CFAP46: variants seen among roughly 807,000 people sequenced by gnomAD.
CFAP46 encodes the protein cilia- and flagella-associated protein 46.
In CFAP46, 245 loss-of-function variants were observed where a neutral mutation model predicts 325.7. The observed-to-expected ratio is 0.75, with a 90% CI of 0.68 to 0.84. The LOEUF is 0.84. Ranked by LOEUF, CFAP46 falls within the 40% of genes least tolerant of loss-of-function variation. The pLI is 0.00. For missense variants in CFAP46, 3,346 were observed against 3,543.0 expected (o/e 0.94, Z 1.41); for synonymous variants, 1,523 against 1,495.9 (o/e 1.02, Z -0.42).
rs1416979853 is a variant in CFAP46, at chr10:132,918,520, C to T, written c.1859G>A (p.Gly620Glu). The change falls in exon 16 of 58, where the codon GGG (glycine) becomes GAG (glutamate). Residue 620 changes from glycine to glutamate, a missense_variant and splice_region_variant. Coordinates refer to ENST00000368586, the MANE Select transcript of CFAP46 (RefSeq NM_001200049.3). ...GCCGTCCCTACCTCGCTTCTTCTTC[C>T]CTGAGAGAAATGGCAGCAGGTAAGG... is the stretch of plus-strand genomic sequence containing the variant. ...VKVKKLRLRR[G>E]KKKRGRDGSV... 5 of 1,512,078 alleles carry T rather than the reference C, an allele frequency of 3.3e-6. No individual in the cohort carries two copies. Among genetic ancestry groups the T allele is most frequent in the Non-Finnish European group, 4.5e-6 (5 of 1,122,290 alleles). The allele number at this position is 1,512,078 out of a possible 1,614,324, so 93.7% of individuals were successfully genotyped here.
At chr10:132,933,635 C>T (rs944416565) in intron 8 of CFAP46, among the ~76,000 whole-genome samples, 3 of 152,266 alleles carry the variant, frequency 2.0e-5, no homozygotes, top group African/African-American at 7.2e-5. Flanking sequence ...GGCCCAGCAG[C>T]CACCCTGCGG....
intron 44 of CFAP46, among the ~76,000 whole-genome samples, chr10:132,841,537 T>C (rs1203855521): frequency 6.6e-6 from 1 of 152,194 alleles, no homozygotes; most frequent in South Asian, 2.1e-4. Context: ...GGGGTCCTGT[T>C]CCCGTGGCTT....
intron 17 of CFAP46, 123 bp from the exon 18 acceptor site, chr10:132,913,381 G>GC: frequency 7.4e-5 from 26 of 350,496 alleles, no homozygotes; most frequent in Middle Eastern, 5.5e-4. Flanking sequence ...GGGCGGGTGG[G>GC]CGGCGACCAA....
intron 50 of CFAP46, among the ~76,000 whole-genome samples, chr10:132,824,675 GTGC>G (rs1428826045): frequency 2.8e-5 from 3 of 105,458 alleles, no homozygotes; most frequent in African/African-American, 4.0e-5. Flanking sequence ...CGTGTGCTGT[GTGC>G]TGATGTGTGC....
intron 19 of CFAP46, among the ~76,000 whole-genome samples, chr10:132,910,996 G>C (rs538144269): frequency 1.3e-5 from 2 of 152,308 alleles, no homozygotes; most frequent in Admixed American, 6.5e-5. Context: ...CCAAGTCGGT[G>C]CTGGCATTTC....
intron 25 of CFAP46, among the ~76,000 whole-genome samples, chr10:132,887,576 TCCC>T (rs1230984506): frequency 4.9e-4 from 20 of 40,954 alleles, no homozygotes; most frequent in Middle Eastern, 0.019. Flanking sequence ...TCCTCTCCTC[TCCC>T]CTCTTCTCTC....
intron 10 of CFAP46, among the ~76,000 whole-genome samples, chr10:132,926,134 G>C (rs1330546414): frequency 4.6e-5 from 7 of 152,258 alleles, no homozygotes; most frequent in African/African-American, 1.7e-4. Context: ...CCTGTAATTG[G>C]CACCTGACGC....
chr10:132,926,343 C>T (rs901358096), intron 10 of CFAP46, among the ~76,000 whole-genome samples: 2 of 151,948 alleles, frequency 1.3e-5, no homozygotes, highest in African/African-American at 4.9e-5. Flanking sequence ...CCCACCTGCA[C>T]GACCCCACCC....
In CFAP46 at chr10:132,889,781, T is replaced by C. The variant is rs1464279153; in HGVS notation, c.3304+2552A>G. On this transcript the variant is annotated intron_variant, in intron 25 of 57. Transcript: ENST00000368586. This position sits in a 1 kb window ranked among gnomAD's most constrained non-coding sequence, Gnocchi z 6.0. ...CTCCGGGTGGGTGAGGGCCGTGGAC[T>C]GTGCATGAGGAGGAATGTGCCTGTG... Among the ~76,000 whole-genome samples the C allele has an allele frequency of 2.0e-5, 3 of 152,190 alleles. No homozygotes were observed. Among genetic ancestry groups the C allele is most frequent in the Non-Finnish European group, 4.4e-5 (3 of 68,022 alleles).
chr10:132,830,034 T>A (rs1848123638), intron 50 of CFAP46, among the ~76,000 whole-genome samples: 1 of 151,192 alleles, frequency 6.6e-6, no homozygotes, highest in Non-Finnish European at 1.5e-5. Flanking sequence ...ATCCGGATAA[T>A]GCCAGCCTCA....
intron 44 of CFAP46, among the ~76,000 whole-genome samples, chr10:132,843,323 C>T: frequency 6.6e-6 from 1 of 151,980 alleles, no homozygotes; most frequent in South Asian, 2.1e-4. Context: ...TGCTGTGGGG[C>T]TGCTCCTGGT....
At chr10:132,861,434 G>A (rs537202458) in intron 35 of CFAP46, among the ~76,000 whole-genome samples, 3 of 152,344 alleles carry the variant, frequency 2.0e-5, no homozygotes, top group South Asian at 4.1e-4. Context: ...CTTCGTCCCC[G>A]GAGCCTCCTG....
At chr10:132,929,548 T>C (rs1401221128) in intron 9 of CFAP46, 157 bp downstream of exon 9, 4 of 805,684 alleles carry the variant, frequency 5.0e-6, no homozygotes, top group Admixed American at 1.7e-5. Context: ...ACTGCAACTG[T>C]GCAAAACACA....
Position 132,886,615 on chromosome 10 carries a change from T to C in CFAP46, c.3305-656A>G, listed in dbSNP as rs1171223187. On this transcript the variant is annotated intron_variant, in intron 25 of 57. Coordinates refer to ENST00000368586, the MANE Select transcript of CFAP46 (RefSeq NM_001200049.3). The surrounding 1 kb of genome is among the most constrained non-coding windows in gnomAD (Gnocchi z 5.8). ...CCTCAGTGTCTGGGCGAGCTGCAGA[T>C]GAACTTGAAGGGCCCTGAAGAGACG... 6.6e-6 allele frequency among the ~76,000 whole-genome samples: 1 copy of C among 152,106 alleles called. No homozygotes were observed. Among genetic ancestry groups the C allele is most frequent in the Non-Finnish European group, 1.5e-5 (1 of 67,996 alleles).
In CFAP46 at chr10:132,898,861, G is replaced by A. The variant is rs1456414027; in HGVS notation, c.3219+98C>T. On this transcript the variant is annotated intron_variant, in intron 24 of 57. Coordinates refer to ENST00000368586, the MANE Select transcript of CFAP46 (RefSeq NM_001200049.3). ...TGCTGGTGCACCCTCTGGGAGGCCT[G>A]TGGGGTCTGTCTTTCTTTGGGAGTC... 5 of 1,453,052 alleles carry A rather than the reference G, an allele frequency of 3.4e-6. No individual in the cohort carries two copies. The African/African-American group carries it at 7.0e-5, about 20-fold the overall frequency. The allele number at this position is 1,453,052 out of a possible 1,614,324, so 90.0% of individuals were successfully genotyped here.
chr10:132,932,871 G>A (rs369203743), intron 8 of CFAP46, among the ~76,000 whole-genome samples: 36 of 152,370 alleles, frequency 2.4e-4, no homozygotes, highest in South Asian at 1.9e-3. Flanking sequence ...ACGCTCCTCC[G>A]GTGGAGATTA....
chr10:132,869,434 G>A lies in CFAP46; in HGVS notation c.4512-62C>T. On this transcript the variant is annotated intron_variant, in intron 32 of 57. Transcript: ENST00000368586. The surrounding 1 kb of genome is among the most constrained non-coding windows in gnomAD (Gnocchi z 6.2). ...GGGCGCAGAGGGAGCCAGAAACGAA[G>A]CTACTAGTGTGCTTCACAGAAAACG... 8.1e-7 allele frequency: 1 copy of A among 1,236,706 alleles called. No individual in the cohort carries two copies. The highest frequency in any genetic ancestry group is 1.1e-6 in the Non-Finnish European group (1 of 911,036). The allele number at this position is 1,236,706 out of a possible 1,614,324, so 76.6% of individuals were successfully genotyped here. A position where few individuals can be genotyped will look rare whatever the true frequency, so the allele number is the denominator to read the frequency against.
At chr10:132,810,638 T>C (rs1171700690) in intron 56 of CFAP46, 149 bp from the exon 57 acceptor site, 7 of 782,292 alleles carry the variant, frequency 8.9e-6, no homozygotes, top group Non-Finnish European at 1.6e-5. Flanking sequence ...CGTCGGCCAC[T>C]GGTTTGCCAG....
At chr10:132,837,181 A>G (rs768980956) in intron 44 of CFAP46, 1 of 471,446 alleles carries the variant, frequency 2.1e-6, no homozygotes, top group African/African-American at 2.0e-5. Flanking sequence ...CCTGATTTGC[A>G]TGACGCAAAG....
Sources: allele counts gnomAD v4.1 joint callset (sites outside exome capture counted in the v4.1 genomes callset), GRCh38; gene constraint gnomAD v4.1.1; non-coding constraint Gnocchi (gnomAD v3.1); transcripts MANE v1.5; gene names NCBI Gene and HGNC (gene_info 2026-07-23, HGNC 2026-07-21).